Variants in RSPO2 observed in about 807,000 individuals in gnomAD.
RSPO2 encodes R-spondin-2.
RSPO2 carries 14 observed loss-of-function variants against 30.9 expected under a neutral mutation model. The ratio of observed to expected loss-of-function variants is 0.45; its 90% confidence interval spans 0.30 to 0.71. RSPO2 has a LOEUF of 0.71. Among genes scored for constraint, RSPO2 ranks in the 30% least tolerant of loss-of-function variants. The probability of loss-of-function intolerance (pLI) is 0.08; values close to 1 mark genes in which losing one functional copy is unlikely to be tolerated. For synonymous variants in RSPO2, 107 were observed against 96.4 expected (o/e 1.11, Z -0.64); for missense variants, 264 against 301.9 (o/e 0.87, Z 0.93).
At chr8:108,028,960 T>G (rs201108419) in intron 2 of RSPO2, among the ~76,000 whole-genome samples, 2 of 10,058 alleles carry the variant, frequency 2.0e-4, no homozygotes, top group Admixed American at 1.1e-3. Context: ...AAATATCTAA[T>G]TTTTTTTTTT....
intron 2 of RSPO2, among the ~76,000 whole-genome samples, chr8:108,064,848 C>T (rs1186450315): frequency 6.6e-6 from 1 of 152,018 alleles, no homozygotes; most frequent in Non-Finnish European, 1.5e-5. Flanking sequence ...CAGCCATAAA[C>T]AAGGATGAGT....
chr8:108,078,748 C>T (rs927040153), intron 2 of RSPO2, among the ~76,000 whole-genome samples: 6 of 152,098 alleles, frequency 3.9e-5, no homozygotes, highest in Non-Finnish European at 7.3e-5. Context: ...GGATTCAGTA[C>T]GGAAAAGGCT....
chr8:107,983,381 A>G, intron 3 of RSPO2: 1 of 1,608,124 alleles, frequency 6.2e-7, no homozygotes, highest in Non-Finnish European at 8.5e-7. Context: ...GCCCAGCAGA[A>G]CACAGACAAG....
intron 2 of RSPO2, among the ~76,000 whole-genome samples, chr8:108,039,548 A>G (rs1305944965): frequency 6.6e-6 from 1 of 152,160 alleles, no homozygotes; most frequent in East Asian, 1.9e-4. Flanking sequence ...GTATTTTCAT[A>G]AATATATATA....
chr8:107,992,560 T>A (rs990876989), intron 2 of RSPO2, among the ~76,000 whole-genome samples: 1 of 152,136 alleles, frequency 6.6e-6, no homozygotes, highest in Admixed American at 6.6e-5. Context: ...CTTAAAAGTA[T>A]ATGTTAAAAA....
intron 2 of RSPO2, among the ~76,000 whole-genome samples, chr8:108,022,947 AC>A (rs1811101504): frequency 6.7e-6 from 1 of 148,254 alleles, no homozygotes; most frequent in Non-Finnish European, 1.5e-5. Flanking sequence ...AAAAAAAACC[AC>A]ACACACACTC....
chr8:108,034,132 A>G (rs548090209), intron 2 of RSPO2, among the ~76,000 whole-genome samples: 6 of 152,302 alleles, frequency 3.9e-5, no homozygotes, highest in Middle Eastern at 3.4e-3. Context: ...TAAGGACAGA[A>G]AATTGAAAGA....
chr8:107,916,951 A>G (rs1168496264), intron 5 of RSPO2, among the ~76,000 whole-genome samples: 2 of 152,176 alleles, frequency 1.3e-5, no homozygotes, highest in Non-Finnish European at 2.9e-5. Context: ...TTATTTAAAA[A>G]CTAGCTTTAG....
chr8:107,937,176 G>C (rs1812748073), intron 5 of RSPO2, among the ~76,000 whole-genome samples: 1 of 149,490 alleles, frequency 6.7e-6, no homozygotes, highest in Admixed American at 6.6e-5. Context: ...TTTTATATGG[G>C]GAGAGACAAG....
chr8:107,906,886 C>A (rs548608643), intron 5 of RSPO2, among the ~76,000 whole-genome samples: 3 of 151,894 alleles, frequency 2.0e-5, no homozygotes. Context: ...ATTAACACAT[C>A]CATCACCTAA....
intron 3 of RSPO2, among the ~76,000 whole-genome samples, chr8:107,979,560 T>A (rs1814349301): frequency 6.6e-6 from 1 of 152,024 alleles, no homozygotes; most frequent in African/African-American, 2.4e-5. Context: ...AGGGATAGCA[T>A]TAGGAGATAC....
chr8:107,947,766 C>T (rs1241660690), intron 5 of RSPO2, among the ~76,000 whole-genome samples: 1 of 152,226 alleles, frequency 6.6e-6, no homozygotes, highest in Non-Finnish European at 1.5e-5. Context: ...TCATAGCTCT[C>T]CACAGTACAC....
At chr8:107,901,255 A>AAAAT in intron 5 of RSPO2, 65 bp from the exon 6 acceptor site, 1 of 1,522,752 alleles carries the variant, frequency 6.6e-7, no homozygotes, top group Non-Finnish European at 8.8e-7. Context: ...AGAAAACACA[A>AAAAT]AAATATTGGG....
At chr8:107,943,286 C>A (rs1380231694) in intron 5 of RSPO2, among the ~76,000 whole-genome samples, 1 of 152,138 alleles carries the variant, frequency 6.6e-6, no homozygotes, top group Non-Finnish European at 1.5e-5. Context: ...TTTATGTGTT[C>A]ATTGCATAAT....
intron 3 of RSPO2, among the ~76,000 whole-genome samples, chr8:107,986,769 G>A (rs1244940916): frequency 6.6e-6 from 1 of 152,002 alleles, no homozygotes; most frequent in Non-Finnish European, 1.5e-5. Context: ...TGTCTTCCTT[G>A]TGCGCTAATA....
In RSPO2 at chr8:107,989,248, TAAAAGAA is replaced by T. The variant is rs1463387158; in HGVS notation, c.95-11_95-5del. On this transcript the variant is annotated splice_polypyrimidine_tract_variant and splice_region_variant and intron_variant, in intron 2 of 5. Coordinates refer to ENST00000276659, the MANE Select transcript of RSPO2 (RefSeq NM_178565.5). ...ATGGGATTTGATACATAACTAGCTG[TAAAAGAA>T]AAACAAAAATTGTGTTTAATTATCA... 6.5e-7 allele frequency: 1 copy of T among 1,539,714 alleles called. No individual in the cohort carries two copies. The highest frequency in any genetic ancestry group is 2.3e-5 in the Admixed American group (1 of 43,278).
intron 5 of RSPO2, among the ~76,000 whole-genome samples, chr8:107,936,190 A>G (rs1314365755): frequency 6.6e-6 from 1 of 152,258 alleles, no homozygotes; most frequent in Non-Finnish European, 1.5e-5. Context: ...ATATGAGAAC[A>G]TGTGATATTT....
intron 2 of RSPO2, among the ~76,000 whole-genome samples, chr8:108,025,722 A>G (rs1811196963): frequency 6.6e-6 from 1 of 151,954 alleles, no homozygotes; most frequent in East Asian, 1.9e-4. Context: ...GGATCTTACT[A>G]TGTTGCCCAG....
rs555238211 is a variant in RSPO2 at position 108,058,535 on chromosome 8, G to A, written c.94+24010C>T. ...ATGGAACCAAAAAAGAGCCTGCATC[G>A]CCAAGTCAATCCTAAGCCAAAAGAA... is the stretch of plus-strand genomic sequence containing the variant. On this transcript the variant is annotated intron_variant, in intron 2 of 5. Coordinates refer to ENST00000276659, the MANE Select transcript of RSPO2 (RefSeq NM_178565.5). 2.0e-3 allele frequency among the ~76,000 whole-genome samples: 311 copies of A among 152,160 alleles called. 2 individuals carry two copies. The highest frequency in any genetic ancestry group is 7.2e-3 in the African/African-American group (297 of 41,516).
Sources: allele counts gnomAD v4.1 joint callset (sites outside exome capture counted in the v4.1 genomes callset), GRCh38; gene constraint gnomAD v4.1.1; transcripts MANE v1.5; gene names NCBI Gene and HGNC (gene_info 2026-07-23, HGNC 2026-07-21).